Variants in ASGR2 observed in about 807,000 individuals in gnomAD.
The protein encoded by ASGR2 is C-type lectin domain family 4 member H2.
ASGR2 carries 34 observed loss-of-function variants against 32.3 expected under a neutral mutation model. That is an observed-to-expected ratio of 1.05 (90% CI 0.80 to 1.40). The LOEUF (loss-of-function observed/expected upper bound fraction) is 1.40. Ranked by LOEUF, ASGR2 falls within the 40% of genes most tolerant of loss-of-function variation. The pLI is 0.00. For missense variants in ASGR2, 385 were observed against 386.4 expected (o/e 1.00, Z 0.03); for synonymous variants, 143 against 150.0 (o/e 0.95, Z 0.34).
rs79270820 is a variant in ASGR2, at chr17:7,113,743, TAC to T, written c.124+372_124+373del. On this transcript the variant is annotated intron_variant, in intron 2 of 8. Transcript: ENST00000691900. The surrounding 1 kb of genome is among the most constrained non-coding windows in gnomAD (Gnocchi z 5.1). ...AACATACCCTCTCACATACACGACA[TAC>T]ACACACACAACATATGCACGCTCTC... Among the ~76,000 whole-genome samples the T allele has an allele frequency of 2.0e-5, 3 of 151,104 alleles. No individual in the cohort carries two copies. Among genetic ancestry groups the T allele is most frequent in the African/African-American group, 7.3e-5 (3 of 41,070 alleles).
intron 8 of ASGR2, 92 bp from the exon 9 acceptor site, chr17:7,101,832 G>GC (rs1351450352): frequency 4.7e-6 from 7 of 1,490,980 alleles, no homozygotes; most frequent in Non-Finnish European, 6.3e-6. Context: ...TTCCTTGAAG[G>GC]CCGAGAGTGG....
intron 7 of ASGR2, among the ~76,000 whole-genome samples, chr17:7,102,748 G>A (rs1913034574): frequency 6.6e-6 from 1 of 152,162 alleles, no homozygotes; most frequent in Non-Finnish European, 1.5e-5. Flanking sequence ...TCGCTTCTAT[G>A]TGTAGCTGTC....
chr17:7,108,892 TG>T lies in ASGR2; in HGVS notation c.125-5del. ...AGGGGCTGGGCAGGAGGTGGCCCTG[TG>T]GGAGAGGGGCATCAGGAGCCGGCAG... On this transcript the variant is annotated splice_polypyrimidine_tract_variant and splice_region_variant and intron_variant, in intron 2 of 8. Transcript: ENST00000691900. The surrounding 1 kb of genome is among the most constrained non-coding windows in gnomAD (Gnocchi z 4.9). 3 of 1,556,226 alleles carry T rather than the reference TG, an allele frequency of 1.9e-6. No individual in the cohort carries two copies. Among genetic ancestry groups the T allele is most frequent in the Non-Finnish European group, 2.6e-6 (3 of 1,152,474 alleles).
intron 2 of ASGR2, among the ~76,000 whole-genome samples, chr17:7,109,121 A>G (rs1006753443): frequency 2.0e-5 from 3 of 151,380 alleles, no homozygotes; most frequent in African/African-American, 7.3e-5. Flanking sequence ...TGGTGCACAC[A>G]CACCCATGCA....
upstream of ASGR2, chr17:7,114,922 G>A (rs1915279257): frequency 1.0e-6 from 1 of 983,194 alleles, no homozygotes; most frequent in Non-Finnish European, 1.2e-6. This position sits in a 1 kb window ranked among gnomAD's most constrained non-coding sequence, Gnocchi z 4.5. Context: ...CCCCTGGGCT[G>A]CGCTCAACTC....
chr17:7,107,984 C>T lies in ASGR2; in HGVS notation c.338-77G>A, dbSNP rs1914081074. The T allele has an allele frequency of 2.6e-6, 4 of 1,555,684 alleles. No homozygotes were observed. The highest frequency in any genetic ancestry group is 1.8e-5 in the Admixed American group (1 of 56,724). The stretch of plus-strand genomic sequence containing the variant: ...GCTGCTGGGGGACCGGGGGCCAGCG[C>T]CTCGTCCTGGGCGATGCAGGCGTCC... On this transcript the variant is annotated intron_variant, in intron 4 of 8. Coordinates refer to ENST00000691900, the MANE Select transcript of ASGR2 (RefSeq NM_001201352.2). This position sits in a 1 kb window ranked among gnomAD's most constrained non-coding sequence, Gnocchi z 5.0.
intron 7 of ASGR2, among the ~76,000 whole-genome samples, chr17:7,106,371 G>C (rs1913689952): frequency 6.6e-6 from 1 of 152,176 alleles, no homozygotes; most frequent in Non-Finnish European, 1.5e-5. Flanking sequence ...AGTTGTAGTG[G>C]TCATGAGCTT....
chr17:7,114,382 G>A lies in ASGR2; in HGVS notation c.-70-72C>T. ...ACGCAGGGTCGGAGGGGTTCGGGGT[G>A]GTGGCCTGGGTAGGATCTGAGGTTG... On this transcript the variant is annotated intron_variant, in intron 1 of 8. Transcript: ENST00000691900. The surrounding 1 kb of genome is among the most constrained non-coding windows in gnomAD (Gnocchi z 4.5). 2.1e-6 allele frequency: 3 copies of A among 1,449,686 alleles called. No individual in the cohort carries two copies. Among genetic ancestry groups the A allele is most frequent in the Non-Finnish European group, 2.7e-6 (3 of 1,105,166 alleles). The allele number at this position is 1,449,686 out of a possible 1,614,324, so 89.8% of individuals were successfully genotyped here.
Position 7,108,478 on chromosome 17 carries a change from C to A in ASGR2, c.321G>T (p.Gln107His), listed in dbSNP as rs2151722991. ...GCCCCTCACCGTGGGTGCTGATTGCCTGGACCTCCGTCAGGGTGCTCGAGG... is the reference window on the plus strand; with the variant it reads ...GCCCCTCACCGTGGGTGCTGATTGCATGGACCTCCGTCAGGGTGCTCGAGG... ...NFSSSTLTEV[Q>H]AISTHGGSVG... The change falls in exon 4 of 9, where the codon CAG (glutamine) becomes CAT (histidine). Residue 107 changes from glutamine (Q) to histidine (H), a missense_variant. Physicochemically the swap from Gln to His is conservative, Grantham distance 24. Coordinates refer to ENST00000691900, the MANE Select transcript of ASGR2 (RefSeq NM_001201352.2). This position sits in a 1 kb window ranked among gnomAD's most constrained non-coding sequence, Gnocchi z 4.9. 1 of 1,605,978 alleles carries A rather than the reference C, an allele frequency of 6.2e-7. No individual in the cohort carries two copies. Among genetic ancestry groups the A allele is most frequent in the Non-Finnish European group, 8.5e-7 (1 of 1,176,376 alleles).
intron 7 of ASGR2, among the ~76,000 whole-genome samples, 192 bp downstream of exon 7, chr17:7,106,808 G>A (rs1432638109): frequency 1.3e-5 from 2 of 151,904 alleles, no homozygotes; most frequent in African/African-American, 4.8e-5. Flanking sequence ...GGAGGCCGAG[G>A]CAGGAGAATG....
chr17:7,107,778 A>G lies in ASGR2; in HGVS notation c.409+58T>C, dbSNP rs1369811523. On this transcript the variant is annotated intron_variant, in intron 5 of 8. Coordinates refer to ENST00000691900, the MANE Select transcript of ASGR2 (RefSeq NM_001201352.2). The surrounding 1 kb of genome is among the most constrained non-coding windows in gnomAD (Gnocchi z 5.0). The stretch of plus-strand genomic sequence containing the variant: ...CACACACCGCACACGTACACACTAC[A>G]CACACCGCACACGTACACATGCACG... 6.8e-7 allele frequency: 1 copy of G among 1,477,450 alleles called. No homozygotes were observed. The highest frequency in any genetic ancestry group is 1.9e-5 in the Admixed American group (1 of 53,504). 91.5% of individuals were successfully genotyped at this position (1,477,450 alleles called of 1,614,324 possible). A position where few individuals can be genotyped will look rare whatever the true frequency, so the allele number is the denominator to read the frequency against.
rs1311248476 is a variant in ASGR2 at position 7,108,145 on chromosome 17, C to T, written c.338-238G>A. 6.6e-6 allele frequency among the ~76,000 whole-genome samples: 1 copy of T among 152,160 alleles called. No individual in the cohort carries two copies. Among genetic ancestry groups the T allele is most frequent in the Non-Finnish European group, 1.5e-5 (1 of 68,014 alleles). On this transcript the variant is annotated intron_variant, in intron 4 of 8. Transcript: ENST00000691900. This position sits in a 1 kb window ranked among gnomAD's most constrained non-coding sequence, Gnocchi z 4.9. Reference sequence around the variant, plus strand: ...TCGCTCTGTCAGCACGGCTCACCTGCGTGGCCGGGCCCCTCCCCACCTCTC... The same window carrying T: ...TCGCTCTGTCAGCACGGCTCACCTGTGTGGCCGGGCCCCTCCCCACCTCTC...
In ASGR2 at chr17:7,109,000, C is replaced by T; in HGVS notation, c.125-112G>A. ...ACCTGGGCGGGGGGATTGGTTGGGG[C>T]CATGGGGGGGGGTCATCATAGGCTT... On this transcript the variant is annotated intron_variant, in intron 2 of 8. Transcript: ENST00000691900. This position sits in a 1 kb window ranked among gnomAD's most constrained non-coding sequence, Gnocchi z 4.9. 1.9e-6 allele frequency: 2 copies of T among 1,030,882 alleles called. No individual in the cohort carries two copies. The highest frequency in any genetic ancestry group is 2.7e-6 in the Non-Finnish European group (2 of 731,768). The allele number at this position is 1,030,882 out of a possible 1,614,324, so 63.9% of individuals were successfully genotyped here.
intron 7 of ASGR2, 73 bp from the exon 8 acceptor site, chr17:7,102,269 G>A: frequency 7.7e-7 from 1 of 1,291,914 alleles, no homozygotes; most frequent in Non-Finnish European, 1.1e-6. Flanking sequence ...GCATGGAACT[G>A]TGGCCCCTCT....
chr17:7,108,979 G>T lies in ASGR2; in HGVS notation c.125-91C>A. 2 of 1,388,848 alleles carry T rather than the reference G, an allele frequency of 1.4e-6. No homozygotes were observed. Among genetic ancestry groups the T allele is most frequent in the East Asian group, 2.8e-5 (1 of 36,226 alleles). 86.0% of individuals were successfully genotyped at this position (1,388,848 alleles called of 1,614,324 possible). The stretch of plus-strand genomic sequence containing the variant: ...ACCGAAGCCTGAGGAGGCATAACCT[G>T]GGCGGGGGGATTGGTTGGGGCCATG... On this transcript the variant is annotated intron_variant, in intron 2 of 8. Transcript: ENST00000691900. The surrounding 1 kb of genome is among the most constrained non-coding windows in gnomAD (Gnocchi z 4.9).
Position 7,103,866 on chromosome 17 carries a change from G to A in ASGR2, c.649-1670C>T, listed in dbSNP as rs541331715. 7.9e-5 allele frequency among the ~76,000 whole-genome samples: 12 copies of A among 152,094 alleles called. No individual in the cohort carries two copies. The South Asian group carries it at 2.5e-3, about 32-fold the overall frequency. On this transcript the variant is annotated intron_variant, in intron 7 of 8. Transcript: ENST00000691900. ...TACATATGTATACATGTGCCATGTTGGTGTGCTGCACCCATTAACTCGTCA... is the reference window on the plus strand; with the variant it reads ...TACATATGTATACATGTGCCATGTTAGTGTGCTGCACCCATTAACTCGTCA...
intron 2 of ASGR2, among the ~76,000 whole-genome samples, chr17:7,109,624 C>T (rs993369753): frequency 1.3e-5 from 2 of 152,048 alleles, no homozygotes; most frequent in East Asian, 1.9e-4. Context: ...AGGTACCTCT[C>T]CTGCCCCTTG....
At chr17:7,111,225 TAGA>T (rs1436909356) in intron 2 of ASGR2, among the ~76,000 whole-genome samples, 1 of 152,182 alleles carries the variant, frequency 6.6e-6, no homozygotes, top group Non-Finnish European at 1.5e-5. Flanking sequence ...ACACGGATGC[TAGA>T]ATTAGCAGGC....
intron 7 of ASGR2, among the ~76,000 whole-genome samples, chr17:7,104,372 C>CAAAA (rs1478649379): frequency 0.017 from 1,444 of 84,930 alleles, 12 homozygotes; most frequent in Middle Eastern, 0.031. Flanking sequence ...AAAAAAAAAG[C>CAAAA]CAGGCGTAGT....
Sources: gnomAD v4.1 joint callset for allele counts (sites outside exome capture counted in the v4.1 genomes callset) on GRCh38, gnomAD v4.1.1 for gene constraint, Gnocchi (gnomAD v3.1) non-coding constraint, MANE v1.5 for transcripts, NCBI Gene and HGNC (gene_info 2026-07-23, HGNC 2026-07-21) for gene names.